The following RPS6KC1 variants were observed in gnomAD, a reference collection of about 807,000 sequenced individuals.
The protein encoded by RPS6KC1 is ribosomal protein S6 kinase C1.
Under a neutral mutation model 103.8 loss-of-function variants are expected in RPS6KC1, and 54 were observed. That is an observed-to-expected ratio of 0.52 (90% confidence interval 0.42 to 0.65). The LOEUF (loss-of-function observed/expected upper bound fraction) is 0.65, where lower values mean the gene tolerates loss of function less well. RPS6KC1 is among the 30% of genes least tolerant of loss of function. RPS6KC1 has a pLI of 0.00. For synonymous variants in RPS6KC1, 439 were observed against 438.7 expected, an observed-to-expected ratio of 1.00 and a Z score of -0.01; for missense variants, 1,151 against 1,253.8, an observed-to-expected ratio of 0.92 and a Z score of 1.24.
chr1:213,627,524 G>C, the RPS6KC1 span, among the ~76,000 whole-genome samples: 2 of 152,084 alleles, frequency 1.3e-5, no homozygotes, highest in African/African-American at 4.8e-5. Context: ...AATGCTTCCA[G>C]TTTTTGCCCA....
At chr1:213,834,709 TACAC>T in the RPS6KC1 span, among the ~76,000 whole-genome samples, 4 of 149,252 alleles carry the variant, frequency 2.7e-5, no homozygotes, top group Non-Finnish European at 4.5e-5. Context: ...CACACACACG[TACAC>T]ACACACACAC....
intron 8 of RPS6KC1, among the ~76,000 whole-genome samples, chr1:213,187,494 C>T (rs1039316340): frequency 6.6e-6 from 1 of 152,020 alleles, no homozygotes; most frequent in African/African-American, 2.4e-5. Context: ...GATCCACCTG[C>T]CTCGGCCTCC....
chr1:213,173,034 C>T (rs1057266311), intron 7 of RPS6KC1, among the ~76,000 whole-genome samples: 1 of 152,176 alleles, frequency 6.6e-6, no homozygotes, highest in Non-Finnish European at 1.5e-5. Flanking sequence ...CCCCTCTTAT[C>T]TATTACCTAC....
the RPS6KC1 span, among the ~76,000 whole-genome samples, chr1:213,468,820 G>A: frequency 1.3e-5 from 2 of 152,066 alleles, no homozygotes; most frequent in Non-Finnish European, 2.9e-5. Context: ...CTGCTCCCGA[G>A]TGCCCTTCAC....
intron 6 of RPS6KC1, among the ~76,000 whole-genome samples, chr1:213,159,554 AG>A (rs1190054209): frequency 2.0e-5 from 3 of 152,238 alleles, no homozygotes; most frequent in Non-Finnish European, 4.4e-5. Context: ...AAAATGCATT[AG>A]TTTGGCTTGA....
chr1:213,521,416 C>G, the RPS6KC1 span, among the ~76,000 whole-genome samples: 1 of 152,144 alleles, frequency 6.6e-6, no homozygotes, highest in African/African-American at 2.4e-5. Context: ...GAGGGTCTTG[C>G]CTTGATGCTA....
chr1:213,799,062 C>T, the RPS6KC1 span, among the ~76,000 whole-genome samples: 1 of 152,160 alleles, frequency 6.6e-6, no homozygotes, highest in East Asian at 1.9e-4. Context: ...CTTAATTTGG[C>T]TGGGTTAAGG....
the RPS6KC1 span, among the ~76,000 whole-genome samples, chr1:213,369,436 A>G: frequency 6.6e-6 from 1 of 152,250 alleles, no homozygotes; most frequent in African/African-American, 2.4e-5. Flanking sequence ...ATGGGGCCAA[A>G]GTCCTGGGGG....
the RPS6KC1 span, among the ~76,000 whole-genome samples, chr1:213,715,297 T>A: frequency 8.5e-5 from 13 of 152,368 alleles, no homozygotes; most frequent in East Asian, 2.3e-3. Context: ...GAGGCAGATC[T>A]GAGCTCTTAA....
At chr1:213,544,244 G>A in the RPS6KC1 span, among the ~76,000 whole-genome samples, 2 of 152,164 alleles carry the variant, frequency 1.3e-5, no homozygotes, top group Admixed American at 1.3e-4. Context: ...TCCTTCTGCT[G>A]CAGGAGGTAG....
At chr1:213,463,855 G>C in the RPS6KC1 span, among the ~76,000 whole-genome samples, 1 of 152,154 alleles carries the variant, frequency 6.6e-6, no homozygotes, top group Admixed American at 6.5e-5. Context: ...TAATAGGCTA[G>C]CTAGATTATT....
the RPS6KC1 span, among the ~76,000 whole-genome samples, chr1:213,559,050 T>C: frequency 6.6e-6 from 1 of 152,234 alleles, no homozygotes; most frequent in African/African-American, 2.4e-5. Flanking sequence ...GAAGCACATA[T>C]CTTCAAGCCC....
At chr1:213,673,599 G>T in the RPS6KC1 span, among the ~76,000 whole-genome samples, 2 of 152,178 alleles carry the variant, frequency 1.3e-5, no homozygotes, top group African/African-American at 2.4e-5. Context: ...TGAGGCCACA[G>T]TGCCTATCCC....
intron 8 of RPS6KC1, among the ~76,000 whole-genome samples, chr1:213,205,645 T>C (rs1266513748): frequency 6.7e-6 from 1 of 148,830 alleles, no homozygotes; most frequent in African/African-American, 2.5e-5. Context: ...TGATATCATC[T>C]TAAGGACTTC....
chr1:213,784,138 C>T, the RPS6KC1 span, among the ~76,000 whole-genome samples: 1 of 152,218 alleles, frequency 6.6e-6, no homozygotes, highest in Non-Finnish European at 1.5e-5. Context: ...ACACTTTGAG[C>T]ACCCACTTGA....
At chr1:213,641,715 G>A in the RPS6KC1 span, among the ~76,000 whole-genome samples, 1 of 151,946 alleles carries the variant, frequency 6.6e-6, no homozygotes, top group Non-Finnish European at 1.5e-5. Flanking sequence ...CAGTTCTCTA[G>A]GGTGTCCATT....
chr1:213,733,544 G>T, the RPS6KC1 span, among the ~76,000 whole-genome samples: 19 of 100,178 alleles, frequency 1.9e-4, no homozygotes, highest in South Asian at 9.4e-4. Flanking sequence ...GCTATTTTTA[G>T]TTTGTTTTTT....
chr1:213,824,696 GCT>G, the RPS6KC1 span, among the ~76,000 whole-genome samples: 1 of 152,118 alleles, frequency 6.6e-6, no homozygotes, highest in Non-Finnish European at 1.5e-5. Flanking sequence ...CCCTGCGCAA[GCT>G]CTCTCTTTGT....
intron 8 of RPS6KC1, among the ~76,000 whole-genome samples, chr1:213,191,121 G>A (rs978635247): frequency 1.3e-5 from 2 of 152,012 alleles, no homozygotes; most frequent in Non-Finnish European, 2.9e-5. Flanking sequence ...GATTGCATTG[G>A]CTATTCTGGG....
Sources: allele counts gnomAD v4.1 joint callset (sites outside exome capture counted in the v4.1 genomes callset), GRCh38; gene constraint gnomAD v4.1.1; transcripts MANE v1.5; gene names NCBI Gene and HGNC (gene_info 2026-07-23, HGNC 2026-07-21).